The following RAD17 variants were observed in gnomAD, a reference collection of about 807,000 sequenced individuals.
RAD17 encodes cell cycle checkpoint protein RAD17.
RAD17 carries 31 observed loss-of-function variants against 81.5 expected under a neutral mutation model. The observed-to-expected ratio is 0.38, with a 90% confidence interval of 0.29 to 0.51. The LOEUF (loss-of-function observed/expected upper bound fraction) is 0.51. Ranked by LOEUF, RAD17 falls within the 20% of genes least tolerant of loss-of-function variation. RAD17 has a pLI of 0.88. For missense variants in RAD17, 681 were observed against 781.2 expected, an observed-to-expected ratio of 0.87 and a Z score of 1.53; for synonymous variants, 261 against 266.2, an observed-to-expected ratio of 0.98 and a Z score of 0.19.
chr5:69,385,854 T>C (rs1331715758), intron 8 of RAD17, among the ~76,000 whole-genome samples, 189 bp from the exon 9 acceptor site: 1 of 152,212 alleles, frequency 6.6e-6, no homozygotes, highest in African/African-American at 2.4e-5. Context: ...AGAAATTTGA[T>C]CTAAAAATTG....
chr5:69,382,825 T>G (rs1410252505), intron 7 of RAD17, among the ~76,000 whole-genome samples: 1 of 152,168 alleles, frequency 6.6e-6, no homozygotes, highest in East Asian at 1.9e-4. Context: ...TTATTTTTTT[T>G]GAGACAGAGT....
chr5:69,371,480 G>T lies in RAD17; in HGVS notation c.-253G>T. 1 of 1,085,396 alleles carries T rather than the reference G, an allele frequency of 9.2e-7. No homozygotes were observed. The highest frequency in any genetic ancestry group is 1.3e-6 in the Non-Finnish European group (1 of 798,070). 67.2% of individuals were successfully genotyped at this position (1,085,396 alleles called of 1,614,324 possible). On this transcript the variant is annotated 5_prime_UTR_variant, in exon 3 of 19. Transcript: ENST00000354868. The stretch of plus-strand genomic sequence containing the variant: ...TGAATTATAGTTTAATGTACTGCAA[G>T]TCCTAAACTACGGATGGGAACTATT...
In RAD17 at chr5:69,372,036, T is replaced by C. The variant is rs957057318; in HGVS notation, c.-173T>C. 34 of 1,307,796 alleles carry C rather than the reference T, an allele frequency of 2.6e-5. No individual in the cohort carries two copies. Among genetic ancestry groups the C allele is most frequent in the Non-Finnish European group, 3.4e-5 (34 of 994,206 alleles). 81.0% of individuals were successfully genotyped at this position (1,307,796 alleles called of 1,614,324 possible). A position where few individuals can be genotyped will look rare whatever the true frequency, so the allele number is the denominator to read the frequency against. On this transcript the variant is annotated splice_region_variant and 5_prime_UTR_variant, in exon 4 of 19. Transcript: ENST00000354868. The stretch of plus-strand genomic sequence containing the variant: ...GTTTATCTTTCTCTTTTTTTCAGTA[T>C]ATGGGAGTCCACATTTATGTAAGAA...
At chr5:69,386,999 AC>A (rs556633119) in intron 11 of RAD17, among the ~76,000 whole-genome samples, 1 of 148,562 alleles carries the variant, frequency 6.7e-6, no homozygotes, top group Non-Finnish European at 1.5e-5. Context: ...ATCATGGCTC[AC>A]TGCAGCCTCG....
At chr5:69,396,225 G>A (rs890131738) in intron 15 of RAD17, among the ~76,000 whole-genome samples, 172 bp from the exon 16 acceptor site, 2 of 152,190 alleles carry the variant, frequency 1.3e-5, no homozygotes, top group African/African-American at 4.8e-5. Flanking sequence ...CTATGTCCCA[G>A]TGGAATTTGC....
chr5:69,377,437 GTGTATA>G (rs1445977989), intron 6 of RAD17, among the ~76,000 whole-genome samples: 441 of 25,720 alleles, frequency 0.017, 13 homozygotes, highest in African/African-American at 0.042. Flanking sequence ...GTGTGTGTGT[GTGTATA>G]TATATATATA....
chr5:69,377,581 GTATACATATATATATGCATATATA>G, intron 6 of RAD17, among the ~76,000 whole-genome samples: 1 of 22,630 alleles, frequency 4.4e-5, no homozygotes, highest in Admixed American at 5.5e-4. Context: ...GCATATATAT[GTATACATATATATATGCATATATA>G]TATGTATACA....
intron 13 of RAD17, 116 bp downstream of exon 13, chr5:69,392,129 CT>C: frequency 6.0e-6 from 5 of 838,908 alleles, no homozygotes; most frequent in Non-Finnish European, 8.8e-6. Context: ...AGAGTTAGAG[CT>C]AGGTCAGATA....
At chr5:69,409,562 T>C (rs1383354655) in intron 17 of RAD17, among the ~76,000 whole-genome samples, 1 of 152,186 alleles carries the variant, frequency 6.6e-6, no homozygotes, top group East Asian at 1.9e-4. Context: ...CTTCAAATGA[T>C]TGATTTTTAA....
chr5:69,374,208 GA>G, intron 5 of RAD17, 121 bp downstream of exon 5: 3 of 900,160 alleles, frequency 3.3e-6, no homozygotes, highest in South Asian at 2.1e-5. Flanking sequence ...CTAAGTGTTA[GA>G]AAAAATTCTG....
chr5:69,392,754 A>G (rs1290603233), intron 13 of RAD17: 1 of 440,616 alleles, frequency 2.3e-6, no homozygotes, highest in East Asian at 7.2e-5. Context: ...ACATACGTTT[A>G]TCGTCTCTTG....
At chr5:69,413,401 T>C (rs889614952) in intron 18 of RAD17, among the ~76,000 whole-genome samples, 2 of 151,898 alleles carry the variant, frequency 1.3e-5, no homozygotes, top group Non-Finnish European at 2.9e-5. Flanking sequence ...ATTGCACCAC[T>C]GCACTCCTGC....
chr5:69,384,646 AT>A, intron 7 of RAD17, 150 bp from the exon 8 acceptor site: 4 of 722,762 alleles, frequency 5.5e-6, no homozygotes, highest in Non-Finnish European at 8.3e-6. Context: ...TGAAAGGAAT[AT>A]CCTATTTTAA....
chr5:69,380,494 A>G (rs1763784853), intron 6 of RAD17, among the ~76,000 whole-genome samples: 1 of 152,212 alleles, frequency 6.6e-6, no homozygotes, highest in African/African-American at 2.4e-5. Context: ...TTGTTGATCC[A>G]TATAGTTTGA....
In RAD17 at chr5:69,393,456, A is replaced by G; in HGVS notation, c.1378A>G (p.Ser460Gly). Residue 460 changes from serine (S) to glycine (G), a missense_variant, in exon 15 of 19, where the codon AGT becomes GGT. Coordinates refer to ENST00000354868, the MANE Select transcript of RAD17 (RefSeq NM_133338.3). ...GGAAATTGATGATATTGTGAGAGCC[A>G]GTGAATTTCTGAGTTTTGCAGATAT... ...FMEIDDIVRA[S>G]EFLSFADILS... The G allele has an allele frequency of 6.2e-7, 1 of 1,610,470 alleles. No individual in the cohort carries two copies. The highest frequency in any genetic ancestry group is 2.2e-5 in the East Asian group (1 of 44,786).
At chr5:69,384,238 A>G (rs370076928) in intron 7 of RAD17, 3 of 152,218 alleles carry the variant, frequency 2.0e-5, no homozygotes, top group Admixed American at 6.5e-5. Context: ...GAGATTCTTC[A>G]TTGGGTAGGC....
intron 17 of RAD17, among the ~76,000 whole-genome samples, chr5:69,401,044 A>G (rs1288632092): frequency 2.0e-5 from 3 of 149,514 alleles, no homozygotes; most frequent in Non-Finnish European, 4.5e-5. Context: ...CCCCATTTCT[A>G]CTAAAAATAC....
intron 7 of RAD17, among the ~76,000 whole-genome samples, chr5:69,382,591 T>G (rs1234345899): frequency 1.3e-5 from 2 of 152,226 alleles, no homozygotes; most frequent in African/African-American, 4.8e-5. Context: ...TTTTCTAAGA[T>G]CTGGCTAGGA....
At chr5:69,385,211 T>C (rs924126369) in intron 8 of RAD17, among the ~76,000 whole-genome samples, 59 of 149,444 alleles carry the variant, frequency 3.9e-4, no homozygotes, top group East Asian at 1.0e-3. Flanking sequence ...ATGCCCACCG[T>C]GGCCTCCCAA....
Sources: allele counts gnomAD v4.1 joint callset (sites outside exome capture counted in the v4.1 genomes callset), GRCh38; gene constraint gnomAD v4.1.1; transcripts MANE v1.5; gene names NCBI Gene and HGNC (gene_info 2026-07-23, HGNC 2026-07-21).